Variants in SORCS3 observed in about 807,000 individuals in gnomAD.
The protein encoded by SORCS3 is VPS10 domain-containing receptor SorCS3.
Under a neutral mutation model 146.3 loss-of-function variants are expected in SORCS3, and 57 were observed. The ratio of observed to expected loss-of-function variants is 0.39; its 90% CI spans 0.31 to 0.49. The LOEUF (loss-of-function observed/expected upper bound fraction) is 0.49. Ranked by LOEUF, SORCS3 falls within the 20% of genes least tolerant of loss-of-function variation. The probability of loss-of-function intolerance (pLI) is 0.92; values close to 1 mark genes in which losing one functional copy is unlikely to be tolerated. For synonymous variants in SORCS3, 653 were observed against 618.5 expected (o/e 1.06, Z -0.83); for missense variants, 1,341 against 1,575.5 (o/e 0.85, Z 2.52).
intron 4 of SORCS3, among the ~76,000 whole-genome samples, chr10:104,993,172 C>T (rs924851763): frequency 1.3e-5 from 2 of 152,306 alleles, no homozygotes; most frequent in Non-Finnish European, 1.5e-5. Flanking sequence ...GCTATGCCTG[C>T]TCATGGCACA....
At position 104,888,699 on chromosome 10, in the gene SORCS3, A is replaced by G. The variant is rs537642147; in HGVS notation, c.696-27134A>G. On this transcript the variant is annotated intron_variant, in intron 2 of 26. Coordinates refer to ENST00000369701, the MANE Select transcript of SORCS3 (RefSeq NM_014978.3). ...CAGGACACCAATCAATCACATAGAG[A>G]AAAACAAAATCAGTCAGAGTAGAGA... Among the ~76,000 whole-genome samples, 508 of 152,302 alleles carry G rather than the reference A, an allele frequency of 3.3e-3. 2 individuals carry two copies. The highest frequency in any genetic ancestry group is 0.018 in the South Asian group (88 of 4,826).
intron 4 of SORCS3, among the ~76,000 whole-genome samples, chr10:105,027,512 T>G (rs938810550): frequency 2.6e-5 from 4 of 152,194 alleles, no homozygotes; most frequent in Non-Finnish European, 4.4e-5. Context: ...CAATTCCCTA[T>G]TTATGACTTT....
chr10:104,966,722 G>C (rs2133639327), intron 3 of SORCS3, among the ~76,000 whole-genome samples: 2 of 152,256 alleles, frequency 1.3e-5, no homozygotes, highest in Non-Finnish European at 2.9e-5. Flanking sequence ...TCAGCAGCAA[G>C]AAAGGGTGCA....
chr10:104,698,509 G>A (rs2016243751), intron 1 of SORCS3, among the ~76,000 whole-genome samples: 1 of 152,108 alleles, frequency 6.6e-6, no homozygotes, highest in Non-Finnish European at 1.5e-5. Context: ...CCACACCCGT[G>A]TTTCAACCTG....
rs139140219 is a variant in SORCS3, at chr10:105,102,726, T to TGGCC, written c.1094-2670_1094-2667dup. ...GGCTCCTGGGTTTCATTTGGAGTGT[T>TGGCC]GGCCTCAAGGTGTTTGGCCTGTACC... On this transcript the variant is annotated intron_variant, in intron 6 of 26. Transcript: ENST00000369701. Among the ~76,000 whole-genome samples, 984 of 151,520 alleles carry TGGCC rather than the reference T, an allele frequency of 6.5e-3. 8 individuals carry two copies. The highest frequency in any genetic ancestry group is 0.023 in the African/African-American group (938 of 41,320).
intron 2 of SORCS3, among the ~76,000 whole-genome samples, chr10:104,873,547 A>G (rs1285071524): frequency 6.6e-6 from 1 of 152,220 alleles, no homozygotes; most frequent in African/African-American, 2.4e-5. Flanking sequence ...TTATAGTGGA[A>G]ACAATTGCCT....
At chr10:105,151,534 AG>A (rs2056167524) in intron 9 of SORCS3, among the ~76,000 whole-genome samples, 1 of 152,166 alleles carries the variant, frequency 6.6e-6, no homozygotes, top group Non-Finnish European at 1.5e-5. Flanking sequence ...TTCAGATATC[AG>A]GTAGCTTGGG....
chr10:105,072,304 A>C (rs1564747393), intron 5 of SORCS3, among the ~76,000 whole-genome samples: 1 of 152,166 alleles, frequency 6.6e-6, no homozygotes, highest in Non-Finnish European at 1.5e-5. Flanking sequence ...TTGATCTTGT[A>C]AACTTTCTGA....
intron 1 of SORCS3, among the ~76,000 whole-genome samples, chr10:104,715,400 C>A (rs1310549659): frequency 2.0e-5 from 3 of 152,196 alleles, no homozygotes; most frequent in African/African-American, 7.2e-5. Flanking sequence ...CCAGGAGTTA[C>A]ACCATCAGCT....
At chr10:104,642,658 T>TGCCACACCGCTCGCCCTCAC (rs1225804307) in intron 1 of SORCS3, among the ~76,000 whole-genome samples, 1 of 152,132 alleles carries the variant, frequency 6.6e-6, no homozygotes, top group African/African-American at 2.4e-5. Context: ...CCAGCGCTCA[T>TGCCACACCGCTCGCCCTCAC]GCCACACCGC....
chr10:104,648,932 G>A (rs2015527567), intron 1 of SORCS3, among the ~76,000 whole-genome samples: 1 of 152,148 alleles, frequency 6.6e-6, no homozygotes, highest in South Asian at 2.1e-4. Flanking sequence ...AGTGGGGCCA[G>A]CAGGGTTCTT....
chr10:105,235,792 T>G (rs2056790219), intron 20 of SORCS3, among the ~76,000 whole-genome samples: 9 of 152,030 alleles, frequency 5.9e-5, no homozygotes, highest in Admixed American at 5.9e-4. Flanking sequence ...CTGCTACTTC[T>G]TAGTTGTGTG....
chr10:104,769,438 C>T (rs1306872803), intron 1 of SORCS3, among the ~76,000 whole-genome samples: 2 of 152,200 alleles, frequency 1.3e-5, no homozygotes, highest in African/African-American at 4.8e-5. Context: ...AACATTCCTA[C>T]TCCTTGAATG....
Position 105,265,168 on chromosome 10 carries a change from A to G in SORCS3, c.*1794A>G, listed in dbSNP as rs1193532024. On this transcript the variant is annotated 3_prime_UTR_variant, in exon 27 of 27. Transcript: ENST00000369701. ...GTTCTTGGTTTTATTGTTCCACTTG[A>G]ATATTTCTACTGTAAAAAAAAGACA... The G allele has an allele frequency of 6.5e-6, 1 of 152,696 alleles. No homozygotes were observed. Among genetic ancestry groups the G allele is most frequent in the East Asian group, 1.9e-4 (1 of 5,172 alleles). The allele number at this position is 152,696 out of a possible 1,614,324, so 9.5% of individuals were successfully genotyped here.
chr10:104,982,155 G>A (rs1415407462), intron 4 of SORCS3, among the ~76,000 whole-genome samples: 1 of 152,176 alleles, frequency 6.6e-6, no homozygotes, highest in Non-Finnish European at 1.5e-5. Context: ...CTGATGCAGT[G>A]TTAGGCGTGG....
chr10:104,661,744 T>A (rs538206961), intron 1 of SORCS3, among the ~76,000 whole-genome samples: 1 of 152,350 alleles, frequency 6.6e-6, no homozygotes, highest in African/African-American at 2.4e-5. Flanking sequence ...ATAAATAGTT[T>A]TTAAAATATC....
intron 5 of SORCS3, among the ~76,000 whole-genome samples, chr10:105,061,004 C>T (rs1167764116): frequency 2.0e-5 from 3 of 151,866 alleles, no homozygotes; most frequent in Non-Finnish European, 2.9e-5. Context: ...AATTCAAATT[C>T]GTTTGCAGTC....
intron 3 of SORCS3, among the ~76,000 whole-genome samples, chr10:104,935,005 G>A (rs1004918084): frequency 2.0e-5 from 3 of 152,158 alleles, no homozygotes; most frequent in Admixed American, 6.5e-5. Flanking sequence ...AAATGTCAGT[G>A]GGGAATGTTG....
chr10:104,818,767 C>T (rs1287493972), intron 1 of SORCS3, among the ~76,000 whole-genome samples: 1 of 152,084 alleles, frequency 6.6e-6, no homozygotes, highest in Non-Finnish European at 1.5e-5. Context: ...GAAGAGTAAT[C>T]ATGGGTTCCA....
Sources: allele counts gnomAD v4.1 joint callset (sites outside exome capture counted in the v4.1 genomes callset), GRCh38; gene constraint gnomAD v4.1.1; transcripts MANE v1.5; gene names NCBI Gene and HGNC (gene_info 2026-07-23, HGNC 2026-07-21).